ATP6V1H: variants seen among roughly 807,000 people sequenced by gnomAD.
ATP6V1H encodes the protein ATPase H+ transporting V1 subunit H, also known as V-type proton ATPase subunit H.
Under a neutral mutation model 71.7 loss-of-function variants are expected in ATP6V1H, and 39 were observed. That is an observed-to-expected ratio of 0.54 (90% CI 0.42 to 0.71). The LOEUF is 0.71. ATP6V1H is among the 30% of genes least tolerant of loss of function. The probability of loss-of-function intolerance (pLI) is 0.00; values close to 1 mark genes in which losing one functional copy is unlikely to be tolerated. For synonymous variants in ATP6V1H, 192 were observed against 199.3 expected (o/e 0.96, Z 0.31); for missense variants, 509 against 594.9 (o/e 0.86, Z 1.50).
chr8:53,755,449 C>T (rs1250682009), intron 12 of ATP6V1H, among the ~76,000 whole-genome samples: 1 of 137,806 alleles, frequency 7.3e-6, no homozygotes, highest in African/African-American at 2.7e-5. Context: ...AGTCACTACA[C>T]AGAGACTTGG....
At chr8:53,755,316 A>G (rs952508649) in intron 12 of ATP6V1H, among the ~76,000 whole-genome samples, 3 of 151,966 alleles carry the variant, frequency 2.0e-5, no homozygotes, top group Non-Finnish European at 4.4e-5. Context: ...TAACTTCACT[A>G]TTTTTTAACC....
chr8:53,758,225 CTTCT>C lies in ATP6V1H; in HGVS notation c.1176-1573_1176-1570del, dbSNP rs570661565. 2.3e-3 allele frequency among the ~76,000 whole-genome samples: 348 copies of C among 152,238 alleles called. 2 individuals carry two copies. The highest frequency in any genetic ancestry group is 8.1e-3 in the African/African-American group (335 of 41,546). On this transcript the variant is annotated intron_variant, in intron 11 of 13. Coordinates refer to ENST00000359530, the MANE Select transcript of ATP6V1H (RefSeq NM_015941.4). ...ACATTTTGATAATTTCAAAAAATTA[CTTCT>C]TTGTTTTTATTTCAATAATTTAAAT...
In ATP6V1H at chr8:53,821,554, G is replaced by A. The variant is rs534325035; in HGVS notation, c.307-4024C>T. Among the ~76,000 whole-genome samples the A allele has an allele frequency of 3.9e-5, 6 of 151,984 alleles. No homozygotes were observed. The East Asian group carries it at 7.8e-4, about 20-fold the overall frequency. On this transcript the variant is annotated intron_variant, in intron 4 of 13. Transcript: ENST00000359530. ...AAATTAGCTGGGCACGGCGGCACAC[G>A]CCTGTAATACCAGCTACTACTACTC...
intron 6 of ATP6V1H, among the ~76,000 whole-genome samples, chr8:53,811,844 C>T (rs1307515889): frequency 6.6e-6 from 1 of 152,210 alleles, no homozygotes; most frequent in East Asian, 1.9e-4. Flanking sequence ...TCCCCACAAC[C>T]CAAGTGCAAC....
At chr8:53,765,294 TA>T (rs1808411252) in intron 11 of ATP6V1H, among the ~76,000 whole-genome samples, 1 of 150,398 alleles carries the variant, frequency 6.6e-6, no homozygotes, top group Non-Finnish European at 1.5e-5. Flanking sequence ...CCCAGCTACT[TA>T]GGAGGCTGAG....
chr8:53,786,616 C>G (rs1585787710), intron 9 of ATP6V1H, among the ~76,000 whole-genome samples: 2 of 152,352 alleles, frequency 1.3e-5, no homozygotes, highest in East Asian at 3.9e-4. Context: ...CTGTGTCACT[C>G]ACAATGGGAG....
intron 3 of ATP6V1H, among the ~76,000 whole-genome samples, chr8:53,831,310 G>C (rs1315803705): frequency 6.6e-6 from 1 of 152,186 alleles, no homozygotes; most frequent in African/African-American, 2.4e-5. Context: ...CACCTGTACA[G>C]TCTGTAACTA....
At position 53,755,827 on chromosome 8, in the gene ATP6V1H, G is replaced by A. The variant is rs1308633313; in HGVS notation, c.1277+728C>T. On this transcript the variant is annotated intron_variant, in intron 12 of 13. Transcript: ENST00000359530. ...GGCTGGAGTGCAGTGGCGGGATCTC[G>A]GCTCACTGCAAGCTCCGCCTCCCGG... is the stretch of plus-strand genomic sequence containing the variant. Among the ~76,000 whole-genome samples the A allele has an allele frequency of 7.8e-3, 751 of 96,624 alleles. 4 individuals are homozygous for A. Among genetic ancestry groups the A allele is most frequent in the Non-Finnish European group, 0.01 (527 of 50,760 alleles). The allele number at this position is 96,624 out of a possible 152,430, so 63.4% of individuals were successfully genotyped here. A position where few individuals can be genotyped will look rare whatever the true frequency, so the allele number is the denominator to read the frequency against.
intron 4 of ATP6V1H, among the ~76,000 whole-genome samples, chr8:53,821,482 A>G (rs2130496315): frequency 6.6e-6 from 1 of 152,186 alleles, no homozygotes; most frequent in African/African-American, 2.4e-5. Context: ...GTATTTCGAG[A>G]CCAGCCTGGG....
intron 11 of ATP6V1H, among the ~76,000 whole-genome samples, chr8:53,768,907 ATGAAT>A (rs1808558490): frequency 6.6e-6 from 1 of 152,188 alleles, no homozygotes; most frequent in Non-Finnish European, 1.5e-5. Context: ...GTTTAAACAG[ATGAAT>A]TGTATGCTAT....
rs901879265 is a variant in ATP6V1H at position 53,778,013 on chromosome 8, G to A, written c.871-5846C>T. ...AAAGCACAAAACCCTGTATTGTAGG[G>A]CTTATAACATGTAAATACAGTAACA... On this transcript the variant is annotated intron_variant, in intron 9 of 13. Transcript: ENST00000359530. 7.9e-5 allele frequency among the ~76,000 whole-genome samples: 12 copies of A among 152,210 alleles called. 1 individual carries two copies. In the Middle Eastern group the frequency reaches 0.01, roughly 129 times the overall value.
At chr8:53,750,221 C>T (rs563256132) in intron 12 of ATP6V1H, among the ~76,000 whole-genome samples, 216 of 152,172 alleles carry the variant, frequency 1.4e-3, no homozygotes, top group Middle Eastern at 3.4e-3. Context: ...TGCTCTCCAC[C>T]CAATCTTACG....
chr8:53,800,804 A>G (rs1809887133), intron 8 of ATP6V1H, among the ~76,000 whole-genome samples: 1 of 151,914 alleles, frequency 6.6e-6, no homozygotes, highest in African/African-American at 2.4e-5. Context: ...GTTGTTTTTC[A>G]CTCTCTTTAT....
At position 53,734,235 on chromosome 8, in the gene ATP6V1H, A is replaced by T. The variant is rs74732629; in HGVS notation, c.1391+9342T>A. On this transcript the variant is annotated intron_variant, in intron 13 of 13. Transcript: ENST00000359530. The stretch of plus-strand genomic sequence containing the variant: ...TGAACCCCAACACCTTGCTCTCAGT[A>T]TCAGAAAGCCCTGTCGAGCATAACT... Among the ~76,000 whole-genome samples the T allele has an allele frequency of 6.6e-3, 1,011 of 152,330 alleles. 13 individuals carry two copies. Among genetic ancestry groups the T allele is most frequent in the African/African-American group, 0.024 (983 of 41,562 alleles).
chr8:53,718,376 CCTACA>C (rs1288460306), intron 13 of ATP6V1H, among the ~76,000 whole-genome samples: 4 of 149,516 alleles, frequency 2.7e-5, no homozygotes, highest in Non-Finnish European at 1.5e-5. Context: ...AACATCCTCT[CCTACA>C]CAATTTTTTT....
intron 13 of ATP6V1H, among the ~76,000 whole-genome samples, chr8:53,734,063 G>A (rs1011983280): frequency 6.6e-6 from 1 of 152,128 alleles, no homozygotes; most frequent in Non-Finnish European, 1.5e-5. Context: ...TGACTCTTGG[G>A]CAAAACCTGA....
At chr8:53,725,017 T>C (rs890104913) in intron 13 of ATP6V1H, among the ~76,000 whole-genome samples, 11 of 152,158 alleles carry the variant, frequency 7.2e-5, no homozygotes, top group African/African-American at 2.7e-4. Context: ...TAATATTTTT[T>C]CCCAAATATT....
At chr8:53,738,262 A>T (rs997244502) in intron 13 of ATP6V1H, among the ~76,000 whole-genome samples, 10 of 149,948 alleles carry the variant, frequency 6.7e-5, no homozygotes, top group Middle Eastern at 3.4e-3. Flanking sequence ...ACGCCACTGC[A>T]TTCCAGCCCA....
chr8:53,780,078 G>A (rs1051861251), intron 9 of ATP6V1H, among the ~76,000 whole-genome samples: 1 of 148,504 alleles, frequency 6.7e-6, no homozygotes, highest in Non-Finnish European at 1.5e-5. Context: ...AGAATCACTT[G>A]AACACAGGAG....
Sources: allele counts gnomAD v4.1 joint callset (sites outside exome capture counted in the v4.1 genomes callset), GRCh38; gene constraint gnomAD v4.1.1; transcripts MANE v1.5; gene names NCBI Gene and HGNC (gene_info 2026-07-23, HGNC 2026-07-21).